Variants in ABCC9 observed in about 807,000 individuals in gnomAD.
ABCC9 encodes the protein ATP binding cassette subfamily C member 9, also known as ATP-binding cassette sub-family C member 9.
In ABCC9, 95 loss-of-function variants were observed where a neutral mutation model predicts 188.3. The ratio of observed to expected loss-of-function variants is 0.50; its 90% confidence interval spans 0.43 to 0.60. The LOEUF (loss-of-function observed/expected upper bound fraction) is 0.60. ABCC9 is among the 20% of genes least tolerant of loss of function. The probability of loss-of-function intolerance (pLI) is 0.00; values close to 1 mark genes in which losing one functional copy is unlikely to be tolerated. For synonymous variants in ABCC9, 659 were observed against 652.7 expected, an observed-to-expected ratio of 1.01 and a Z score of -0.15; for missense variants, 1,102 against 1,876.3, an observed-to-expected ratio of 0.59 and a Z score of 7.62.
chr12:21,873,668 T>A (rs1488952371), intron 17 of ABCC9, among the ~76,000 whole-genome samples: 1 of 152,126 alleles, frequency 6.6e-6, no homozygotes, highest in Non-Finnish European at 1.5e-5. Context: ...CAAAATATAT[T>A]ACAAACCTAC....
At chr12:21,812,878 T>G (rs1942352987) in intron 35 of ABCC9, among the ~76,000 whole-genome samples, 1 of 152,130 alleles carries the variant, frequency 6.6e-6, no homozygotes, top group Admixed American at 6.6e-5. Context: ...CTAAAAAATA[T>G]ACATATTTGG....
chr12:21,896,200 A>G (rs865970109), intron 12 of ABCC9, among the ~76,000 whole-genome samples: 1 of 150,406 alleles, frequency 6.6e-6, no homozygotes, highest in East Asian at 2.0e-4. Flanking sequence ...GTGCGCTGCA[A>G]TCTAATTTTC....
intron 30 of ABCC9, among the ~76,000 whole-genome samples, chr12:21,836,823 G>A (rs1391464760): frequency 6.6e-6 from 1 of 152,094 alleles, no homozygotes; most frequent in African/African-American, 2.4e-5. Context: ...CAGTTGGAAA[G>A]GACAGATAAC....
intron 15 of ABCC9, among the ~76,000 whole-genome samples, chr12:21,883,918 T>C (rs946545856): frequency 6.6e-6 from 1 of 152,138 alleles, no homozygotes; most frequent in East Asian, 1.9e-4. Flanking sequence ...TCTAGAAATT[T>C]GTCATTCTCT....
chr12:21,899,027 A>G (rs2137776653), intron 12 of ABCC9, among the ~76,000 whole-genome samples: 1 of 152,342 alleles, frequency 6.6e-6, no homozygotes, highest in Middle Eastern at 3.4e-3. Context: ...CAAGTTAAAA[A>G]ACTGCAAATA....
chr12:21,857,683 T>C (rs1395706270), intron 22 of ABCC9, among the ~76,000 whole-genome samples: 2 of 152,066 alleles, frequency 1.3e-5, no homozygotes, highest in Non-Finnish European at 2.9e-5. Context: ...GACGTGACTA[T>C]GTAAAAATAG....
chr12:21,848,372 G>A, intron 24 of ABCC9, 126 bp from the exon 25 acceptor site: 1 of 793,028 alleles, frequency 1.3e-6, no homozygotes, highest in Non-Finnish European at 2.1e-6. Context: ...TGCTCACTCT[G>A]GAGATCCACA....
chr12:21,801,294 G>A, intron 39 of ABCC9, 113 bp from the exon 40 acceptor site: 3 of 1,371,772 alleles, frequency 2.2e-6, no homozygotes, highest in South Asian at 2.4e-5. Flanking sequence ...CTTGGTGAGT[G>A]ACAAGATGTA....
At chr12:21,892,662 A>G (rs561698604) in intron 14 of ABCC9, among the ~76,000 whole-genome samples, 13 of 152,362 alleles carry the variant, frequency 8.5e-5, no homozygotes, top group African/African-American at 2.9e-4. Flanking sequence ...TGAATGTCTC[A>G]GAGGTTAACT....
rs373716354 is a variant in ABCC9, at chr12:21,827,337, G to A, written c.3669+1621C>T. 1.0e-5 allele frequency: 10 copies of A among 984,910 alleles called. No individual in the cohort carries two copies. In the African/African-American group the frequency reaches 1.7e-4, roughly 17 times the overall value. 61.0% of individuals were successfully genotyped at this position (984,910 alleles called of 1,614,324 possible). On this transcript the variant is annotated intron_variant, in intron 31 of 39. Coordinates refer to ENST00000261200, the MANE Select transcript of ABCC9 (RefSeq NM_020297.4). The stretch of plus-strand genomic sequence containing the variant: ...TGCTAAAGAGCAGAAACAGGAGTCG[G>A]TCAGACTCTCACCTCAAGTCCAAGG...
chr12:21,848,234 C>T lies in ABCC9; in HGVS notation c.2782G>A (p.Asp928Asn), dbSNP rs767203577. Residue 928 changes from aspartate to asparagine, a missense_variant, in exon 25 of 40, where the codon GAC becomes AAC. Asp to Asn is a conservative substitution (Grantham distance 23). Coordinates refer to ENST00000261200, the MANE Select transcript of ABCC9 (RefSeq NM_020297.4). ...GTTTTCCTCTCTAAAGTAGTTTGGT[C>T]AGCTTCCATATCCTGCAGTAAACAT... ...DQELEKDMEA[D>N]QTTLERKTLR... 1 of 1,613,368 alleles carries T rather than the reference C, an allele frequency of 6.2e-7. No individual in the cohort carries two copies. The highest frequency in any genetic ancestry group is 8.5e-7 in the Non-Finnish European group (1 of 1,179,464).
chr12:21,897,495 T>C (rs1274011993), intron 12 of ABCC9, among the ~76,000 whole-genome samples: 1 of 152,208 alleles, frequency 6.6e-6, no homozygotes, highest in Non-Finnish European at 1.5e-5. Flanking sequence ...GAGTGTGCAC[T>C]CAATAAATGT....
intron 16 of ABCC9, among the ~76,000 whole-genome samples, chr12:21,878,176 G>A (rs929513134): frequency 1.3e-5 from 2 of 152,136 alleles, no homozygotes; most frequent in African/African-American, 4.8e-5. Context: ...TAAATTATAT[G>A]TGTGGTATCA....
chr12:21,934,451 T>C (rs1438471599), intron 3 of ABCC9, among the ~76,000 whole-genome samples: 3 of 152,134 alleles, frequency 2.0e-5, no homozygotes, highest in African/African-American at 7.2e-5. Context: ...GTAGTACTGA[T>C]ACTTTTCTCA....
At chr12:21,875,214 T>G (rs1946282239) in intron 17 of ABCC9, among the ~76,000 whole-genome samples, 1 of 152,210 alleles carries the variant, frequency 6.6e-6, no homozygotes, top group Non-Finnish European at 1.5e-5. Context: ...TATGTGCAAT[T>G]TTTATGGATC....
At chr12:21,865,801 C>T (rs1403842557) in intron 18 of ABCC9, among the ~76,000 whole-genome samples, 2 of 152,130 alleles carry the variant, frequency 1.3e-5, no homozygotes, top group African/African-American at 2.4e-5. Context: ...ATGCATTGAT[C>T]ACTTCCTAGT....
At chr12:21,939,147 C>T (rs1591764777) in intron 2 of ABCC9, among the ~76,000 whole-genome samples, 3 of 152,280 alleles carry the variant, frequency 2.0e-5, no homozygotes, top group Admixed American at 2.0e-4. Flanking sequence ...GTGTAAACTT[C>T]AAGTTGGTAC....
rs181239212 is a variant in ABCC9, at chr12:21,829,970, C to T, written c.3567-910G>A. 1.7e-3 allele frequency among the ~76,000 whole-genome samples: 259 copies of T among 152,156 alleles called. 2 individuals are homozygous for T. The highest frequency in any genetic ancestry group is 2.5e-3 in the Non-Finnish European group (170 of 68,002). On this transcript the variant is annotated intron_variant, in intron 30 of 39. Coordinates refer to ENST00000261200, the MANE Select transcript of ABCC9 (RefSeq NM_020297.4). The stretch of plus-strand genomic sequence containing the variant: ...TAGAGGATGGGGACACTAGAGATGA[C>T]GGCAAATGCTCTACACCCCCAAATT...
chr12:21,809,519 G>A (rs1426997810), intron 37 of ABCC9, among the ~76,000 whole-genome samples: 1 of 152,120 alleles, frequency 6.6e-6, no homozygotes, highest in African/African-American at 2.4e-5. Context: ...CTGATGGTAG[G>A]TGATCAGACA....
Sources: gnomAD v4.1 joint callset for allele counts (sites outside exome capture counted in the v4.1 genomes callset) on GRCh38, gnomAD v4.1.1 for gene constraint, MANE v1.5 for transcripts, NCBI Gene and HGNC (gene_info 2026-07-23, HGNC 2026-07-21) for gene names.